The following BANK1 variants were observed in gnomAD, a reference collection of about 807,000 sequenced individuals.
BANK1 encodes the protein B cell scaffold protein with ankyrin repeats 1, also known as B-cell scaffold protein with ankyrin repeats.
In BANK1, 95 loss-of-function variants were observed where a neutral mutation model predicts 94.5. That is an observed-to-expected ratio of 1.00 (90% CI 0.85 to 1.19). The LOEUF is 1.19. Among genes scored for constraint, BANK1 ranks in the 50% most tolerant of loss-of-function variants. The probability of loss-of-function intolerance (pLI) is 0.00; values close to 1 mark genes in which losing one functional copy is unlikely to be tolerated. For missense variants in BANK1, 987 were observed against 932.2 expected (o/e 1.06, Z -0.77); for synonymous variants, 334 against 308.4 (o/e 1.08, Z -0.87).
chr4:102,000,118 G>A (rs1017447747), intron 7 of BANK1, among the ~76,000 whole-genome samples: 2 of 152,098 alleles, frequency 1.3e-5, no homozygotes, highest in African/African-American at 2.4e-5. Context: ...GAGGTCAGGA[G>A]TTTGAGACCA....
chr4:102,037,195 A>G (rs35199224), intron 10 of BANK1, among the ~76,000 whole-genome samples: 1 of 152,212 alleles, frequency 6.6e-6, no homozygotes, highest in Admixed American at 6.5e-5. Context: ...CAAGACTAAG[A>G]ACAGTACTAG....
chr4:102,020,860 A>G (rs1319276319), intron 7 of BANK1, among the ~76,000 whole-genome samples: 1 of 152,156 alleles, frequency 6.6e-6, no homozygotes, highest in African/African-American at 2.4e-5. Flanking sequence ...CATCACTAGT[A>G]TTAGCTTTCT....
rs1384381034 is a variant in BANK1 at position 101,994,164 on chromosome 4, A to AT, written c.1207-27343dup. ...AGTTGAGGAAAAATAAGTATGACGT[A>AT]TTTTTTTCAGAGACTTTAACAAAAG... On this transcript the variant is annotated intron_variant, in intron 7 of 16. Coordinates refer to ENST00000322953, the MANE Select transcript of BANK1 (RefSeq NM_017935.5). Among the ~76,000 whole-genome samples, 7 of 152,270 alleles carry AT rather than the reference A, an allele frequency of 4.6e-5. No homozygotes were observed. In the East Asian group the frequency reaches 1.4e-3, roughly 29 times the overall value.
At chr4:102,002,588 CAT>C (rs1157175521) in intron 7 of BANK1, among the ~76,000 whole-genome samples, 49 of 132,228 alleles carry the variant, frequency 3.7e-4, no homozygotes, top group African/African-American at 1.1e-3. Context: ...CACACACACA[CAT>C]ATATATATAC....
At chr4:102,036,634 C>T (rs1037774034) in intron 10 of BANK1, 1 of 152,198 alleles carries the variant, frequency 6.6e-6, no homozygotes, top group Non-Finnish European at 1.5e-5. Flanking sequence ...TCATTCTTTT[C>T]CATGAGAGAG....
At chr4:102,066,321 A>ATC (rs1449827568) in intron 13 of BANK1, among the ~76,000 whole-genome samples, 6 of 150,148 alleles carry the variant, frequency 4.0e-5, no homozygotes, top group Non-Finnish European at 8.9e-5. Flanking sequence ...CAGTGGCACG[A>ATC]TCTCGGCTCA....
At chr4:101,798,601 T>C (rs533925282) in intron 1 of BANK1, among the ~76,000 whole-genome samples, 32 of 152,330 alleles carry the variant, frequency 2.1e-4, no homozygotes, top group African/African-American at 7.7e-4. Context: ...TTCCTATTTC[T>C]CCATATCCTC....
At position 101,897,070 on chromosome 4, in the gene BANK1, T is replaced by A. The variant is rs563232367; in HGVS notation, c.1009+1660T>A. ...CAAAAGTCTTAATTAGGAACTTTTG[T>A]TCCACAAACCACTCCTCACCTCATG... On this transcript the variant is annotated intron_variant, in intron 6 of 16. Transcript: ENST00000322953. Among the ~76,000 whole-genome samples the A allele has an allele frequency of 3.3e-5, 5 of 152,092 alleles. No homozygotes were observed. In the South Asian group the frequency reaches 1.0e-3, roughly 32 times the overall value.
chr4:101,956,316 G>A (rs969196899), intron 7 of BANK1, among the ~76,000 whole-genome samples: 4 of 152,080 alleles, frequency 2.6e-5, no homozygotes, highest in Admixed American at 1.3e-4. Context: ...CATGGAAACC[G>A]GGCATATCAT....
At chr4:101,852,470 C>CTATA (rs541955636) in intron 2 of BANK1, among the ~76,000 whole-genome samples, 13,186 of 102,950 alleles carry the variant, frequency 0.13, 901 homozygotes, top group Non-Finnish European at 0.13. Flanking sequence ...TATTTTTCGG[C>CTATA]TATATATATA....
At chr4:101,965,085 G>A (rs1055239248) in intron 7 of BANK1, among the ~76,000 whole-genome samples, 3 of 151,500 alleles carry the variant, frequency 2.0e-5, no homozygotes, top group Non-Finnish European at 4.4e-5. Context: ...TCCCTACAAA[G>A]GACATGAACT....
chr4:102,035,274 C>T (rs140334554), intron 10 of BANK1, among the ~76,000 whole-genome samples: 122 of 152,300 alleles, frequency 8.0e-4, no homozygotes, highest in African/African-American at 2.8e-3. Context: ...TAACTGCTTC[C>T]GCAAAGCTTA....
chr4:101,896,746 T>C (rs1248804888), intron 6 of BANK1, among the ~76,000 whole-genome samples: 7 of 151,784 alleles, frequency 4.6e-5, no homozygotes, highest in Admixed American at 3.9e-4. Flanking sequence ...ATAAACTTGG[T>C]GGTAGTGATT....
At chr4:101,906,327 A>C (rs966211443) in intron 6 of BANK1, among the ~76,000 whole-genome samples, 2 of 152,206 alleles carry the variant, frequency 1.3e-5, no homozygotes, top group Admixed American at 6.5e-5. Flanking sequence ...TGTAGCTATA[A>C]TATTTCCCTG....
At chr4:102,024,920 A>G (rs1727027471) in intron 8 of BANK1, among the ~76,000 whole-genome samples, 1 of 152,216 alleles carries the variant, frequency 6.6e-6, no homozygotes, top group African/African-American at 2.4e-5. Context: ...GAATTTGTTC[A>G]AACAATAACT....
At chr4:102,045,321 C>T (rs903735939) in intron 11 of BANK1, among the ~76,000 whole-genome samples, 1 of 152,092 alleles carries the variant, frequency 6.6e-6, no homozygotes, top group African/African-American at 2.4e-5. Flanking sequence ...ATGACAAACC[C>T]ACAGCCAATA....
In BANK1 at chr4:102,003,821, A is replaced by G. The variant is rs978625334; in HGVS notation, c.1207-17693A>G. Among the ~76,000 whole-genome samples, 8 of 151,792 alleles carry G rather than the reference A, an allele frequency of 5.3e-5. No homozygotes were observed. In the East Asian group the frequency reaches 1.2e-3, roughly 22 times the overall value. ...AAATATATATTTCACATGCATATATATATTTACTTATGTATATATATATGC... is the reference window on the plus strand; with the variant it reads ...AAATATATATTTCACATGCATATATGTATTTACTTATGTATATATATATGC... On this transcript the variant is annotated intron_variant, in intron 7 of 16. Coordinates refer to ENST00000322953, the MANE Select transcript of BANK1 (RefSeq NM_017935.5).
At chr4:102,035,616 C>A (rs1402026594) in intron 10 of BANK1, among the ~76,000 whole-genome samples, 1 of 147,246 alleles carries the variant, frequency 6.8e-6, no homozygotes, top group Non-Finnish European at 1.5e-5. Context: ...CCACTGCACT[C>A]CAGCCTGGGT....
chr4:101,794,766 C>T (rs1725098429), intron 1 of BANK1, among the ~76,000 whole-genome samples: 1 of 152,106 alleles, frequency 6.6e-6, no homozygotes, highest in Non-Finnish European at 1.5e-5. Flanking sequence ...TTTGTTGTTT[C>T]TAAGTGTTCT....
Sources: allele counts gnomAD v4.1 joint callset (sites outside exome capture counted in the v4.1 genomes callset), GRCh38; gene constraint gnomAD v4.1.1; transcripts MANE v1.5; gene names NCBI Gene and HGNC (gene_info 2026-07-23, HGNC 2026-07-21).